The following MSH4 variants were observed in gnomAD, a reference collection of about 807,000 sequenced individuals.
The protein encoded by MSH4 is mutS protein homolog 4.
MSH4 carries 106 observed loss-of-function variants against 113.7 expected under a neutral mutation model. That is an observed-to-expected ratio of 0.93 (90% CI 0.80 to 1.10). The LOEUF (loss-of-function observed/expected upper bound fraction) is 1.10, where lower values mean the gene tolerates loss of function less well. Ranked by LOEUF, MSH4 falls within the 50% of genes least tolerant of loss-of-function variation. MSH4 has a pLI of 0.00. For synonymous variants in MSH4, 368 were observed against 380.2 expected (o/e 0.97, Z 0.37); for missense variants, 1,061 against 1,093.7 (o/e 0.97, Z 0.42).
At chr1:75,840,579 T>G in intron 7 of MSH4, among the ~76,000 whole-genome samples, 1 of 146,628 alleles carries the variant, frequency 6.8e-6, no homozygotes, top group Non-Finnish European at 1.5e-5. Context: ...AATGATGAGT[T>G]AATGGGTGCA....
chr1:75,847,455 A>C (rs1387884814), intron 7 of MSH4, among the ~76,000 whole-genome samples: 1 of 152,234 alleles, frequency 6.6e-6, no homozygotes, highest in Non-Finnish European at 1.5e-5. Context: ...GAGATCAAAA[A>C]GATGAGAAGA....
At position 75,897,671 on chromosome 1, in the gene MSH4, T is replaced by C. The variant is rs533133970; in HGVS notation, c.2356-236T>C. ...TTCAGTTTTGTTCTCTTTCCCATAA[T>C]GTGGCATACACGTCTGTGCACAAAC... is the stretch of plus-strand genomic sequence containing the variant. On this transcript the variant is annotated intron_variant, in intron 17 of 19. Transcript: ENST00000263187. Among the ~76,000 whole-genome samples, 4 of 152,284 alleles carry C rather than the reference T, an allele frequency of 2.6e-5. No individual in the cohort carries two copies. In the South Asian group the frequency reaches 6.2e-4, roughly 24 times the overall value.
Position 75,810,726 on chromosome 1 carries a change from T to G in MSH4, c.618T>G (p.Pro206=), listed in dbSNP as rs751748626. 10 of 1,577,022 alleles carry G rather than the reference T, an allele frequency of 6.3e-6. No homozygotes were observed. In the Admixed American group the frequency reaches 1.9e-4, roughly 30 times the overall value. Residue 206 remains proline, a synonymous_variant, in exon 4 of 20, where the codon CCT becomes CCG. Coordinates refer to ENST00000263187, the MANE Select transcript of MSH4 (RefSeq NM_002440.4). ...KVITKLKILS[P]LEIIMSNTAC... is the part of the protein sequence containing the mutation. Reference sequence around the variant, plus strand: ...TCACTAAACTTAAAATTTTATCACCTTTGGAAATAATAATGTCAAATACTG... The same window carrying G: ...TCACTAAACTTAAAATTTTATCACCGTTGGAAATAATAATGTCAAATACTG...
chr1:75,823,209 T>C (rs1650469817), intron 7 of MSH4, among the ~76,000 whole-genome samples: 1 of 152,214 alleles, frequency 6.6e-6, no homozygotes, highest in African/African-American at 2.4e-5. Flanking sequence ...CATTGTCGTC[T>C]TATAAAGACA....
chr1:75,855,655 C>G (rs748184845), intron 8 of MSH4, among the ~76,000 whole-genome samples: 2 of 152,148 alleles, frequency 1.3e-5, no homozygotes, highest in African/African-American at 2.4e-5. Context: ...GGTGGTGTCC[C>G]TGTGTTTCCA....
chr1:75,818,196 G>C (rs918416764), intron 6 of MSH4, among the ~76,000 whole-genome samples: 6 of 152,272 alleles, frequency 3.9e-5, no homozygotes, highest in Middle Eastern at 3.4e-3. Flanking sequence ...ATCAGATCTT[G>C]TAACTCTTCT....
At chr1:75,833,510 G>A (rs1483648822) in intron 7 of MSH4, among the ~76,000 whole-genome samples, 2 of 152,138 alleles carry the variant, frequency 1.3e-5, no homozygotes, top group African/African-American at 4.8e-5. Flanking sequence ...AAAGATGGAG[G>A]CATCACGCTA....
chr1:75,798,585 C>G (rs1442089480), intron 1 of MSH4, among the ~76,000 whole-genome samples: 2 of 139,344 alleles, frequency 1.4e-5, no homozygotes, highest in African/African-American at 2.7e-5. Flanking sequence ...GAGACAGAGT[C>G]TTGCTCTGTT....
rs1651926489 is a variant in MSH4 at position 75,881,302 on chromosome 1, T to C, written c.1838T>C (p.Leu613Pro). The C allele has an allele frequency of 5.0e-6, 8 of 1,610,416 alleles. No homozygotes were observed. Among genetic ancestry groups the C allele is most frequent in the Non-Finnish European group, 6.8e-6 (8 of 1,177,428 alleles). Residue 613 changes from leucine to proline, a missense_variant, in exon 14 of 20, where the codon CTA becomes CCA. Coordinates refer to ENST00000263187, the MANE Select transcript of MSH4 (RefSeq NM_002440.4). ...GAACATATTCATTGCTTATATAAAC[T>C]ATCTGACACTGTGTCAATGCTGGAT... is the stretch of plus-strand genomic sequence containing the variant. The part of the protein sequence containing the change: ...IYEHIHCLYK[L>P]SDTVSMLDML...
chr1:75,863,728 C>A (rs1651508170), intron 8 of MSH4, among the ~76,000 whole-genome samples: 1 of 152,126 alleles, frequency 6.6e-6, no homozygotes, highest in African/African-American at 2.4e-5. Flanking sequence ...CATGCTTGAC[C>A]TAGCAGCAAA....
Position 75,867,517 on chromosome 1 carries a change from A to G in MSH4, c.1234A>G (p.Asn412Asp). Reference protein sequence around the residue: ...LVQIPKQDTVNAAESKITNLI... With the variant: ...LVQIPKQDTVDAAESKITNLI... ...ATTTGGGTTTTTATCTTAACAGGTC[A>G]ATGCTGCTGAATCAAAGATAACAAA... The change falls in exon 9 of 20, where the codon AAT (asparagine) becomes GAT (aspartate). Residue 412 changes from asparagine (N) to aspartate (D), a missense_variant. Transcript: ENST00000263187. 1 of 1,584,132 alleles carries G rather than the reference A, an allele frequency of 6.3e-7. No individual in the cohort carries two copies. The highest frequency in any genetic ancestry group is 2.2e-5 in the East Asian group (1 of 44,530).
intron 19 of MSH4, among the ~76,000 whole-genome samples, chr1:75,900,388 G>A (rs761968808): frequency 1.3e-5 from 2 of 151,912 alleles, no homozygotes; most frequent in Admixed American, 6.6e-5. Flanking sequence ...TGCAACCTCC[G>A]CCTCCTGGGT....
chr1:75,907,660 A>ATCTCTCTCTCTCTCTC (rs138292747), intron 19 of MSH4, among the ~76,000 whole-genome samples: 3 of 92,808 alleles, frequency 3.2e-5, no homozygotes, highest in African/African-American at 1.5e-4. Context: ...TCCACGGTGT[A>ATCTCTCTCTCTCTCTC]TCTCTCTCTC....
In MSH4 at chr1:75,902,443, A is replaced by T. The variant is rs909857787; in HGVS notation, c.2619+2737A>T. Among the ~76,000 whole-genome samples the T allele has an allele frequency of 6.6e-5, 10 of 151,844 alleles. 1 individual carries two copies. Among genetic ancestry groups the T allele is most frequent in the African/African-American group, 2.4e-4 (10 of 41,490 alleles). On this transcript the variant is annotated intron_variant, in intron 19 of 19. Coordinates refer to ENST00000263187, the MANE Select transcript of MSH4 (RefSeq NM_002440.4). Reference sequence around the variant, plus strand: ...ATTGTTTAGCTCTCACTTATAAGTGAGAACATGCAGTATTTGGTTTTCTAT... The same window carrying T: ...ATTGTTTAGCTCTCACTTATAAGTGTGAACATGCAGTATTTGGTTTTCTAT...
chr1:75,908,963 A>G (rs551305246), intron 19 of MSH4, among the ~76,000 whole-genome samples: 2 of 152,300 alleles, frequency 1.3e-5, no homozygotes, highest in East Asian at 3.9e-4. Context: ...TTCCTCTAGC[A>G]TGGTGCTGCT....
intron 8 of MSH4, among the ~76,000 whole-genome samples, chr1:75,854,007 G>GTATATATA (rs150197709): frequency 1.6e-3 from 83 of 50,448 alleles, no homozygotes; most frequent in Non-Finnish European, 2.1e-3. Flanking sequence ...GCATAAGTGT[G>GTATATATA]TGTGTGTATA....
intron 10 of MSH4, among the ~76,000 whole-genome samples, chr1:75,877,354 A>G (rs1157760613): frequency 6.6e-6 from 1 of 152,176 alleles, no homozygotes; most frequent in Non-Finnish European, 1.5e-5. Context: ...TGTAACAAAA[A>G]ATAGTAGATA....
intron 15 of MSH4, among the ~76,000 whole-genome samples, chr1:75,884,474 T>A (rs5745491): frequency 4.0e-5 from 6 of 151,746 alleles, no homozygotes; most frequent in African/African-American, 1.5e-4. Flanking sequence ...TTAAGCAGGG[T>A]TGGTTTTGAT....
chr1:75,823,328 G>A (rs2100521605), intron 7 of MSH4, among the ~76,000 whole-genome samples: 1 of 151,758 alleles, frequency 6.6e-6, no homozygotes, highest in East Asian at 1.9e-4. Context: ...CCGGAGTTAA[G>A]ACTTCACAGT....
Sources: gnomAD v4.1 joint callset for allele counts (sites outside exome capture counted in the v4.1 genomes callset) on GRCh38, gnomAD v4.1.1 for gene constraint, MANE v1.5 for transcripts, NCBI Gene and HGNC (gene_info 2026-07-23, HGNC 2026-07-21) for gene names.